The following BCAR3 variants were observed in gnomAD, a reference collection of about 807,000 sequenced individuals.
BCAR3 encodes the protein BCAR3 adaptor protein, NSP family member.
In BCAR3, 37 loss-of-function variants were observed where a neutral mutation model predicts 80.1. The observed-to-expected ratio is 0.46, with a 90% CI of 0.36 to 0.61. The LOEUF is 0.61. BCAR3 is among the 20% of genes least tolerant of loss of function. The probability of loss-of-function intolerance (pLI) is 0.00; values close to 1 mark genes in which losing one functional copy is unlikely to be tolerated. For missense variants in BCAR3, 978 were observed against 1,068.2 expected, an observed-to-expected ratio of 0.92 and a Z score of 1.18; for synonymous variants, 389 against 418.9, an observed-to-expected ratio of 0.93 and a Z score of 0.87.
chr1:93,589,651 A>G (rs1227910997), intron 4 of BCAR3, among the ~76,000 whole-genome samples: 2 of 152,222 alleles, frequency 1.3e-5, no homozygotes, highest in Non-Finnish European at 2.9e-5. Flanking sequence ...CAGGGGATGC[A>G]GTGGTGACAG....
chr1:93,777,409 TCC>T (rs1652599749), intron 2 of BCAR3, among the ~76,000 whole-genome samples: 1 of 113,050 alleles, frequency 8.8e-6, no homozygotes, highest in Non-Finnish European at 1.7e-5. Flanking sequence ...CTCTTCCTCC[TCC>T]TCTTCCTCCT....
intron 2 of BCAR3, among the ~76,000 whole-genome samples, chr1:93,745,607 T>C (rs1651326777): frequency 6.6e-6 from 1 of 152,218 alleles, no homozygotes; most frequent in African/African-American, 2.4e-5. Flanking sequence ...CTACTTGATG[T>C]GCAGAAGAAA....
chr1:93,758,840 C>A (rs1177535759), intron 2 of BCAR3, among the ~76,000 whole-genome samples: 1 of 152,158 alleles, frequency 6.6e-6, no homozygotes, highest in Non-Finnish European at 1.5e-5. Flanking sequence ...TGGGTGGCAA[C>A]TGAGGAGAGG....
chr1:93,577,778 C>G (rs1673516088), intron 7 of BCAR3, among the ~76,000 whole-genome samples: 1 of 151,864 alleles, frequency 6.6e-6, no homozygotes, highest in South Asian at 2.1e-4. Context: ...GGGTGTCCCC[C>G]ACGCTCTGGG....
intron 2 of BCAR3, chr1:93,845,502 A>ATATCTATATTGTCAAG: frequency 8.8e-6 from 1 of 113,820 alleles, no homozygotes; most frequent in Non-Finnish European, 1.8e-5. Context: ...ATATATATAT[A>ATATCTATATTGTCAAG]AAACTTTGTT....
At chr1:93,642,710 T>C (rs983007302) in intron 2 of BCAR3, among the ~76,000 whole-genome samples, 6 of 152,234 alleles carry the variant, frequency 3.9e-5, no homozygotes, top group African/African-American at 1.4e-4. Context: ...TCACTGGTGG[T>C]GTCTGGGTTA....
At position 93,809,773 on chromosome 1, in the gene BCAR3, GATAAAAAA is replaced by G. The variant is rs1448984693; in HGVS notation, c.-63+35786_-63+35793del. 8.5e-5 allele frequency among the ~76,000 whole-genome samples: 4 copies of G among 46,996 alleles called. No individual in the cohort carries two copies. In the East Asian group the frequency reaches 2.2e-3, roughly 26 times the overall value. 30.8% of individuals were successfully genotyped at this position (46,996 alleles called of 152,430 possible). A position where few individuals can be genotyped will look rare whatever the true frequency, so the allele number is the denominator to read the frequency against. ...ACAGAGCAAGACTTCGTCTCAAAAA[GATAAAAAA>G]AAAAAAAAAAAAAAATCATTGAAGA... On this transcript the variant is annotated intron_variant, in intron 2 of 13. Transcript: ENST00000370244.
intron 2 of BCAR3, among the ~76,000 whole-genome samples, chr1:93,842,812 G>A (rs569077999): frequency 3.3e-5 from 5 of 152,184 alleles, no homozygotes; most frequent in African/African-American, 1.2e-4. Context: ...ACTTCCATAA[G>A]GACCCATCCA....
intron 4 of BCAR3, among the ~76,000 whole-genome samples, chr1:93,590,809 C>A (rs1674141084): frequency 6.6e-6 from 1 of 152,020 alleles, no homozygotes; most frequent in Non-Finnish European, 1.5e-5. Flanking sequence ...TTAGAAACAC[C>A]CTATGTGTCC....
intron 2 of BCAR3, among the ~76,000 whole-genome samples, chr1:93,829,859 G>A (rs1298494433): frequency 1.3e-5 from 2 of 152,170 alleles, no homozygotes; most frequent in Non-Finnish European, 2.9e-5. Flanking sequence ...CCCCAGCATT[G>A]GAAGTGGGGC....
intron 1 of BCAR3, among the ~76,000 whole-genome samples, chr1:93,676,061 C>T (rs1648470875): frequency 6.6e-6 from 1 of 152,046 alleles, no homozygotes; most frequent in African/African-American, 2.4e-5. Flanking sequence ...CAGCCCTTCC[C>T]ACGGGCTGGT....
In BCAR3 at chr1:93,845,998, C is replaced by G. The variant is rs149830639; in HGVS notation, c.-208-286G>C. ...CTAACGTGTTAGTTTGCAAACATAA[C>G]AAAATATGATTCATCACAGTTCTCC... On this transcript the variant is annotated intron_variant, in intron 1 of 13. Coordinates refer to the BCAR3 transcript ENST00000370244. 1.6e-4 allele frequency among the ~76,000 whole-genome samples: 24 copies of G among 151,776 alleles called. No homozygotes were observed. In the East Asian group the frequency reaches 4.7e-3, roughly 30 times the overall value.
intron 2 of BCAR3, among the ~76,000 whole-genome samples, chr1:93,807,258 G>C (rs1653686503): frequency 6.6e-6 from 1 of 152,096 alleles, no homozygotes; most frequent in Non-Finnish European, 1.5e-5. Flanking sequence ...AGGAGAAAAA[G>C]ACATACAAAA....
chr1:93,650,059 AAAG>A (rs1006380752), intron 2 of BCAR3, among the ~76,000 whole-genome samples: 17 of 152,004 alleles, frequency 1.1e-4, no homozygotes, highest in African/African-American at 3.6e-4. Context: ...GAAAAAAAAA[AAAG>A]AAGCCTAGGA....
At chr1:93,708,477 A>C (rs144300443) in intron 2 of BCAR3, among the ~76,000 whole-genome samples, 2 of 152,216 alleles carry the variant, frequency 1.3e-5, no homozygotes, top group African/African-American at 4.8e-5. Context: ...TGGACACTTT[A>C]CAAATTGTCA....
rs1170042412 is a variant in BCAR3, at chr1:93,750,310, G to C, written c.-62-44168C>G. On this transcript the variant is annotated intron_variant, in intron 2 of 13. Coordinates refer to the BCAR3 transcript ENST00000370244. ...TCTTCATCTTGTAGCTCAGGGGAAT[G>C]AAGTGGCAGCCTTTCCGAGGCTGTT... Among the ~76,000 whole-genome samples the C allele has an allele frequency of 2.6e-5, 4 of 152,216 alleles. 1 individual carries two copies. Among genetic ancestry groups the C allele is most frequent in the Admixed American group, 2.0e-4 (3 of 15,286 alleles).
Position 93,582,937 on chromosome 1 carries a change from A to AGG in BCAR3, c.1048_1049dup (p.Gln351LeufsTer25), listed in dbSNP as rs1225815898. 1 of 1,590,728 alleles carries AGG rather than the reference A, an allele frequency of 6.3e-7. No homozygotes were observed. The highest frequency in any genetic ancestry group is 1.1e-5 in the South Asian group (1 of 90,560). On this transcript the variant is annotated frameshift_variant, in exon 7 of 12. Transcript: ENST00000260502. LOFTEE classifies it high-confidence loss of function. ...GGCTTGTGTCCACACCCGAGGACTG[A>AGG]GGTGGCAGCTTGCAGCCTGTGGGGG...
Position 93,760,468 on chromosome 1 carries a change from T to C in BCAR3, c.-62-54326A>G, listed in dbSNP as rs548005809. Reference sequence around the variant, plus strand: ...TAGCAGGTGCTTTACTCACTCCAGTTAGGATGGAAAGGAAGGGACAGATAT... The same window carrying C: ...TAGCAGGTGCTTTACTCACTCCAGTCAGGATGGAAAGGAAGGGACAGATAT... On this transcript the variant is annotated intron_variant, in intron 2 of 13. Transcript: ENST00000370244. 2.6e-5 allele frequency among the ~76,000 whole-genome samples: 4 copies of C among 151,998 alleles called. No homozygotes were observed. The South Asian group carries it at 8.3e-4, about 32-fold the overall frequency.
intron 2 of BCAR3, among the ~76,000 whole-genome samples, chr1:93,815,259 C>T (rs1653975569): frequency 6.6e-6 from 1 of 152,148 alleles, no homozygotes; most frequent in African/African-American, 2.4e-5. Context: ...CAGTGCTCTC[C>T]TAGGATGCCA....
Sources: gnomAD v4.1 joint callset for allele counts (sites outside exome capture counted in the v4.1 genomes callset) on GRCh38, gnomAD v4.1.1 for gene constraint, MANE v1.5 for transcripts, NCBI Gene and HGNC (gene_info 2026-07-23, HGNC 2026-07-21) for gene names.